Variants in DPP10 observed in about 807,000 individuals in gnomAD.
DPP10 encodes the protein dipeptidyl peptidase like 10, also known as inactive dipeptidyl peptidase 10.
DPP10 carries 33 observed loss-of-function variants against 120.9 expected under a neutral mutation model. The observed-to-expected ratio is 0.27, with a 90% confidence interval of 0.21 to 0.37. DPP10 has a LOEUF of 0.37. DPP10 is among the 10% of genes least tolerant of loss of function. The pLI, the probability that DPP10 is intolerant of heterozygous loss-of-function variation, is 1.00. For synonymous variants in DPP10, 337 were observed against 326.1 expected (o/e 1.03, Z -0.36); for missense variants, 816 against 942.8 (o/e 0.87, Z 1.76).
In DPP10 at chr2:114,685,466, A is replaced by C. The variant is rs537408200; in HGVS notation, c.60+242628A>C. On this transcript the variant is annotated intron_variant, in intron 1 of 25. Coordinates refer to ENST00000410059, the MANE Select transcript of DPP10 (RefSeq NM_020868.6). ...AAGACCTATGTTTACCCCAAAAGGG[A>C]ACTAACGGCGTCCATTTCTCTCTCT... is the stretch of plus-strand genomic sequence containing the variant. 4.6e-5 allele frequency among the ~76,000 whole-genome samples: 7 copies of C among 152,082 alleles called. No individual in the cohort carries two copies. The South Asian group carries it at 8.3e-4, about 18-fold the overall frequency.
chr2:115,380,607 G>C (rs1312488404), intron 3 of DPP10, among the ~76,000 whole-genome samples: 2 of 145,526 alleles, frequency 1.4e-5, no homozygotes, highest in Non-Finnish European at 3.1e-5. Flanking sequence ...GATGTTAGCT[G>C]GTTATTTTGC....
At chr2:114,961,033 C>CT (rs772146022) in intron 1 of DPP10, among the ~76,000 whole-genome samples, 4 of 52,028 alleles carry the variant, frequency 7.7e-5, no homozygotes, top group East Asian at 6.0e-4. Context: ...CTCTATACGC[C>CT]TTTTTTTTTT....
intron 3 of DPP10, among the ~76,000 whole-genome samples, chr2:115,471,357 C>G (rs2074706171): frequency 1.3e-5 from 2 of 152,058 alleles, no homozygotes; most frequent in Non-Finnish European, 2.9e-5. Flanking sequence ...CATTTCTTCT[C>G]TTTGAATATT....
At chr2:114,568,459 G>A (rs540455593) in intron 1 of DPP10, among the ~76,000 whole-genome samples, 1 of 152,260 alleles carries the variant, frequency 6.6e-6, no homozygotes, top group South Asian at 2.1e-4. Flanking sequence ...AGAATGCAAT[G>A]CTTAGAACAC....
At chr2:114,535,560 C>T (rs376495282) in intron 1 of DPP10, among the ~76,000 whole-genome samples, 6 of 152,128 alleles carry the variant, frequency 3.9e-5, no homozygotes, top group South Asian at 2.1e-4. Flanking sequence ...ACTAAACCAG[C>T]GAATGTTCCT....
Position 115,030,404 on chromosome 2 carries a change from T to C in DPP10, c.61-278835T>C, listed in dbSNP as rs145196445. On this transcript the variant is annotated intron_variant, in intron 1 of 25. Transcript: ENST00000410059. ...CAATCTTAAACTACATTTTGTCTCCTAGAGCAGAGTTTACTTATGGTTATT... is the reference window on the plus strand; with the variant it reads ...CAATCTTAAACTACATTTTGTCTCCCAGAGCAGAGTTTACTTATGGTTATT... 3.4e-3 allele frequency among the ~76,000 whole-genome samples: 525 copies of C among 152,278 alleles called. 4 individuals carry two copies. Among genetic ancestry groups the C allele is most frequent in the African/African-American group, 0.012 (504 of 41,552 alleles).
intron 1 of DPP10, among the ~76,000 whole-genome samples, chr2:115,073,968 GA>G (rs1252290300): frequency 2.0e-5 from 3 of 152,324 alleles, no homozygotes; most frequent in Admixed American, 2.0e-4. Context: ...TCTCTGTAAA[GA>G]GTGAGAAGAA....
chr2:114,865,173 C>T (rs1349837149), intron 1 of DPP10, among the ~76,000 whole-genome samples: 1 of 152,182 alleles, frequency 6.6e-6, no homozygotes, highest in Non-Finnish European at 1.5e-5. Flanking sequence ...TTGAAGACCT[C>T]TAGGTGTTTA....
intron 1 of DPP10, among the ~76,000 whole-genome samples, chr2:114,663,203 A>G (rs1195180494): frequency 6.6e-6 from 1 of 150,994 alleles, no homozygotes; most frequent in East Asian, 2.0e-4. Context: ...CGTAATCACT[A>G]TCTCCAGTAA....
intron 1 of DPP10, among the ~76,000 whole-genome samples, chr2:114,511,183 A>C (rs1558828946): frequency 6.6e-6 from 1 of 152,278 alleles, no homozygotes; most frequent in Non-Finnish European, 1.5e-5. Flanking sequence ...ATATGGATAT[A>C]GTTCTAAAGC....
intron 1 of DPP10, among the ~76,000 whole-genome samples, chr2:114,484,935 A>G (rs1413072717): frequency 6.6e-6 from 1 of 151,330 alleles, no homozygotes; most frequent in African/African-American, 2.4e-5. Context: ...GGCTGCTTCT[A>G]AGATTTTTTT....
chr2:115,222,461 A>G (rs1050580722), intron 1 of DPP10, among the ~76,000 whole-genome samples: 1 of 152,072 alleles, frequency 6.6e-6, no homozygotes, highest in Non-Finnish European at 1.5e-5. Flanking sequence ...CATGAGATCC[A>G]TTGGTTTTAA....
intron 1 of DPP10, among the ~76,000 whole-genome samples, chr2:115,015,781 C>G (rs1702590475): frequency 6.6e-6 from 1 of 152,030 alleles, no homozygotes; most frequent in Non-Finnish European, 1.5e-5. Context: ...ACCTAGGAAT[C>G]CAACTTATAA....
At chr2:114,671,351 T>C (rs888450910) in intron 1 of DPP10, among the ~76,000 whole-genome samples, 1 of 152,086 alleles carries the variant, frequency 6.6e-6, no homozygotes, top group Admixed American at 6.6e-5. Context: ...ACCTAGGAGA[T>C]ATAGTTTGGA....
At chr2:115,472,495 A>G (rs965312226) in intron 3 of DPP10, among the ~76,000 whole-genome samples, 1 of 152,112 alleles carries the variant, frequency 6.6e-6, no homozygotes, top group Non-Finnish European at 1.5e-5. Flanking sequence ...TTATTTCTTC[A>G]CACTGAGTTT....
At chr2:115,102,568 G>A (rs968126230) in intron 1 of DPP10, among the ~76,000 whole-genome samples, 5 of 151,916 alleles carry the variant, frequency 3.3e-5, no homozygotes, top group South Asian at 2.1e-4. Flanking sequence ...CTGCCACCAC[G>A]CCCGGCTAAT....
At chr2:115,184,588 A>G (rs2054302134) in intron 1 of DPP10, among the ~76,000 whole-genome samples, 1 of 152,252 alleles carries the variant, frequency 6.6e-6, no homozygotes, top group African/African-American at 2.4e-5. Context: ...TGCAGCAGGC[A>G]AAGCCAAGCC....
At chr2:115,554,244 A>G (rs1010797442) in intron 5 of DPP10, among the ~76,000 whole-genome samples, 1 of 151,814 alleles carries the variant, frequency 6.6e-6, no homozygotes, top group Admixed American at 6.6e-5. Context: ...GATGCAAATC[A>G]CAGATGTGTC....
intron 1 of DPP10, among the ~76,000 whole-genome samples, chr2:114,824,137 T>A (rs1686328624): frequency 6.6e-6 from 1 of 152,212 alleles, no homozygotes; most frequent in African/African-American, 2.4e-5. Context: ...ATGTGTGGAA[T>A]GAAGAGGGGA....
Sources: allele counts gnomAD v4.1 joint callset (sites outside exome capture counted in the v4.1 genomes callset), GRCh38; gene constraint gnomAD v4.1.1; transcripts MANE v1.5; gene names NCBI Gene and HGNC (gene_info 2026-07-23, HGNC 2026-07-21).